Variants in FRMD4B observed in about 807,000 individuals in gnomAD.
FRMD4B encodes FERM domain containing 4B.
A neutral mutation model predicts 141.5 loss-of-function variants in FRMD4B; 74 were observed. That is an observed-to-expected ratio of 0.52 (90% CI 0.43 to 0.63). The LOEUF (loss-of-function observed/expected upper bound fraction) is 0.63, where lower values mean the gene tolerates loss of function less well. Ranked by LOEUF, FRMD4B falls within the 30% of genes least tolerant of loss-of-function variation. The probability of loss-of-function intolerance (pLI) is 0.00; values close to 1 mark genes in which losing one functional copy is unlikely to be tolerated. For synonymous variants in FRMD4B, 506 were observed against 467.9 expected, an observed-to-expected ratio of 1.08 and a Z score of -1.05; for missense variants, 1,366 against 1,253.4, an observed-to-expected ratio of 1.09 and a Z score of -1.36.
At chr3:69,510,937 A>C (rs1706676459) in intron 1 of FRMD4B, among the ~76,000 whole-genome samples, 1 of 152,162 alleles carries the variant, frequency 6.6e-6, no homozygotes, top group African/African-American at 2.4e-5. Context: ...TTGACCAATA[A>C]ATCTAACCAT....
chr3:69,516,789 T>C (rs1575597769), intron 1 of FRMD4B, among the ~76,000 whole-genome samples: 1 of 152,308 alleles, frequency 6.6e-6, no homozygotes, highest in Non-Finnish European at 1.5e-5. Context: ...TAATTAATCA[T>C]CAGTGAAACA....
intron 7 of FRMD4B, among the ~76,000 whole-genome samples, chr3:69,230,322 G>A (rs530914470): frequency 6.6e-6 from 1 of 152,282 alleles, no homozygotes; most frequent in African/African-American, 2.4e-5. Context: ...ATATGGAGAT[G>A]AAGTGCAATA....
chr3:69,429,750 CTTTT>C (rs60665985), intron 2 of FRMD4B, among the ~76,000 whole-genome samples: 1,946 of 79,542 alleles, frequency 0.024, 51 homozygotes, highest in African/African-American at 0.09. Flanking sequence ...GAGACCTCTT[CTTTT>C]TTTTTTTTTT....
intron 11 of FRMD4B, among the ~76,000 whole-genome samples, chr3:69,207,887 C>T (rs970195949): frequency 1.3e-5 from 2 of 152,042 alleles, no homozygotes; most frequent in African/African-American, 4.8e-5. Context: ...CTAGCAGCAT[C>T]TTCCATTTCT....
chr3:69,477,018 T>C (rs1706013847), intron 1 of FRMD4B, among the ~76,000 whole-genome samples: 1 of 152,142 alleles, frequency 6.6e-6, no homozygotes, highest in East Asian at 1.9e-4. Flanking sequence ...CTGTTTTTGG[T>C]GTGTAAGAAT....
intron 3 of FRMD4B, chr3:69,310,409 A>C (rs938235745): frequency 2.2e-6 from 1 of 455,806 alleles, no homozygotes; most frequent in Middle Eastern, 3.3e-4. Flanking sequence ...TGTCTGGAAC[A>C]CATCTTCTTG....
intron 5 of FRMD4B, among the ~76,000 whole-genome samples, chr3:69,263,457 A>G (rs2093541404): frequency 7.8e-6 from 1 of 127,488 alleles, no homozygotes; most frequent in East Asian, 2.4e-4. Flanking sequence ...GTCACCCAGG[A>G]GTGCAGTGGT....
upstream of FRMD4B, among the ~76,000 whole-genome samples, chr3:69,390,546 C>T (rs1295331958): frequency 1.3e-5 from 2 of 152,160 alleles, no homozygotes; most frequent in African/African-American, 2.4e-5. Context: ...GCAAAGGACT[C>T]TCCTGCCCAA....
intron 1 of FRMD4B, among the ~76,000 whole-genome samples, chr3:69,326,395 A>C (rs1702193199): frequency 6.6e-6 from 1 of 152,218 alleles, no homozygotes. Context: ...CAACAGACTA[A>C]CTTACAACCA....
At chr3:69,321,061 C>G (rs1701979105) in intron 1 of FRMD4B, 1 of 152,290 alleles carries the variant, frequency 6.6e-6, no homozygotes, top group Non-Finnish European at 1.5e-5. Context: ...AAAGAGGGCC[C>G]TGATGCGGCA....
chr3:69,391,060 A>C (rs1022237577), upstream of FRMD4B, among the ~76,000 whole-genome samples: 14 of 152,148 alleles, frequency 9.2e-5, no homozygotes, highest in African/African-American at 3.1e-4. Context: ...TTTTTTACAC[A>C]GCCACAATTT....
chr3:69,322,614 T>TTTTTA (rs1702046335), intron 1 of FRMD4B, among the ~76,000 whole-genome samples: 1 of 142,164 alleles, frequency 7.0e-6, no homozygotes, highest in African/African-American at 2.6e-5. Context: ...TTTTTTTTTT[T>TTTTTA]GAGACAGGGT....
intron 1 of FRMD4B, among the ~76,000 whole-genome samples, chr3:69,360,361 CT>C (rs1703436925): frequency 6.6e-6 from 1 of 152,184 alleles, no homozygotes; most frequent in Non-Finnish European, 1.5e-5. Context: ...AAGATAAGGA[CT>C]CTTTTTTAAA....
At chr3:69,500,135 C>T (rs934577589) in intron 1 of FRMD4B, among the ~76,000 whole-genome samples, 1 of 152,188 alleles carries the variant, frequency 6.6e-6, no homozygotes, top group African/African-American at 2.4e-5. Context: ...AGAGCTGTGG[C>T]TGAGCTGGGT....
rs373925177 is a variant in FRMD4B at position 69,224,609 on chromosome 3, G to A, written c.663C>T (p.Tyr221=). ...CCTGTTATGTGGATTTGGCTTACCAGTAGGCAAGGGATGGATGCTCCTGAA... is the reference window on the plus strand; with the variant it reads ...CCTGTTATGTGGATTTGGCTTACCAATAGGCAAGGGATGGATGCTCCTGAA... The part of the protein sequence containing the change: ...KTLQEHPSLA[Y]CEDRVIEHYL... Residue 221 remains tyrosine, a splice_region_variant and synonymous_variant, in exon 8 of 23, where the codon TAC becomes TAT. Transcript: ENST00000398540. The A allele has an allele frequency of 1.0e-4, 153 of 1,508,006 alleles. No individual in the cohort carries two copies. The highest frequency in any genetic ancestry group is 1.4e-4 in the Non-Finnish European group (153 of 1,088,994). 93.4% of individuals were successfully genotyped at this position (1,508,006 alleles called of 1,614,324 possible).
chr3:69,478,350 G>A (rs1341545636), intron 1 of FRMD4B, among the ~76,000 whole-genome samples: 1 of 151,984 alleles, frequency 6.6e-6, no homozygotes, highest in African/African-American at 2.4e-5. Context: ...TTAGTGCTAT[G>A]AATTTCCCTC....
chr3:69,215,748 G>A (rs917669749), intron 11 of FRMD4B, among the ~76,000 whole-genome samples: 4 of 152,278 alleles, frequency 2.6e-5, no homozygotes, highest in South Asian at 2.1e-4. Flanking sequence ...TTTGGGTCAT[G>A]TCTTTATTAT....
chr3:69,455,862 C>A (rs910694899), intron 1 of FRMD4B, among the ~76,000 whole-genome samples: 3 of 152,198 alleles, frequency 2.0e-5, no homozygotes, highest in Non-Finnish European at 4.4e-5. Flanking sequence ...ACAGGGCTGG[C>A]AGCTTGAGAC....
At chr3:69,465,680 G>T (rs6549223) in intron 1 of FRMD4B, among the ~76,000 whole-genome samples, 1 of 151,780 alleles carries the variant, frequency 6.6e-6, no homozygotes, top group Non-Finnish European at 1.5e-5. Flanking sequence ...TGAGAATGAT[G>T]GTTTCCAGCT....
Sources: gnomAD v4.1 joint callset for allele counts (sites outside exome capture counted in the v4.1 genomes callset) on GRCh38, gnomAD v4.1.1 for gene constraint, MANE v1.5 for transcripts, NCBI Gene and HGNC (gene_info 2026-07-23, HGNC 2026-07-21) for gene names.